The following SMYD3 variants were observed in gnomAD, a reference collection of about 807,000 sequenced individuals.
The protein encoded by SMYD3 is SET and MYND domain containing 3, also known as histone-lysine N-methyltransferase SMYD3.
SMYD3 carries 36 observed loss-of-function variants against 57.7 expected under a neutral mutation model. The ratio of observed to expected loss-of-function variants is 0.62; its 90% CI spans 0.48 to 0.82. The LOEUF (loss-of-function observed/expected upper bound fraction) is 0.82. Among genes scored for constraint, SMYD3 ranks in the 40% least tolerant of loss-of-function variants. SMYD3 has a pLI of 0.00. For synonymous variants in SMYD3, 211 were observed against 195.0 expected (o/e 1.08, Z -0.68); for missense variants, 515 against 538.8 (o/e 0.96, Z 0.44).
intron 5 of SMYD3, among the ~76,000 whole-genome samples, chr1:246,204,969 T>C (rs907286433): frequency 2.6e-5 from 4 of 152,222 alleles, no homozygotes; most frequent in Non-Finnish European, 5.9e-5. Context: ...TTACATCTGT[T>C]AGCCTGAGAG....
At chr1:246,384,209 T>C (rs1429155747) in intron 1 of SMYD3, among the ~76,000 whole-genome samples, 1 of 152,162 alleles carries the variant, frequency 6.6e-6, no homozygotes, top group Non-Finnish European at 1.5e-5. Flanking sequence ...TCTTTTTCTG[T>C]CAGGCTAAAT....
chr1:246,118,742 A>C (rs1276493570), intron 5 of SMYD3, among the ~76,000 whole-genome samples: 4 of 143,214 alleles, frequency 2.8e-5, no homozygotes, highest in African/African-American at 1.1e-4. Flanking sequence ...TTTTTTTTAA[A>C]ATGTGTGCTA....
chr1:246,176,699 T>G (rs1179571256), intron 5 of SMYD3, among the ~76,000 whole-genome samples: 1 of 152,082 alleles, frequency 6.6e-6, no homozygotes, highest in African/African-American at 2.4e-5. Flanking sequence ...ATTACTGTAT[T>G]TTTTGCAGAG....
chr1:246,180,186 T>C (rs1212652227), intron 5 of SMYD3, among the ~76,000 whole-genome samples: 1 of 148,034 alleles, frequency 6.8e-6, no homozygotes, highest in East Asian at 2.0e-4. Context: ...TATCTACATA[T>C]AGTAGAAAAA....
At chr1:245,929,757 C>T in intron 6 of SMYD3, 113 bp downstream of exon 6, 1 of 823,294 alleles carries the variant, frequency 1.2e-6, no homozygotes, top group Non-Finnish European at 2.1e-6. Context: ...AAGTTTTAAG[C>T]TTGGCTCTTG....
intron 8 of SMYD3, among the ~76,000 whole-genome samples, chr1:245,887,310 C>T (rs1019778229): frequency 6.6e-6 from 1 of 152,114 alleles, no homozygotes; most frequent in Non-Finnish European, 1.5e-5. Flanking sequence ...CAGGAAGTTA[C>T]CCTATATGGT....
At chr1:245,818,439 C>G (rs1301393867) in intron 10 of SMYD3, among the ~76,000 whole-genome samples, 7 of 152,192 alleles carry the variant, frequency 4.6e-5, no homozygotes, top group Non-Finnish European at 2.9e-5. Flanking sequence ...ACTGCAAAAT[C>G]ATGCCAAAAT....
chr1:246,067,618 C>A (rs2148371613), intron 5 of SMYD3, among the ~76,000 whole-genome samples: 1 of 152,230 alleles, frequency 6.6e-6, no homozygotes, highest in South Asian at 2.1e-4. Context: ...CCCCACAGCC[C>A]ACAGCCTTGG....
chr1:246,214,265 T>C (rs990059693), intron 5 of SMYD3, among the ~76,000 whole-genome samples: 3 of 152,062 alleles, frequency 2.0e-5, no homozygotes, highest in African/African-American at 4.8e-5. Context: ...GATAATACAT[T>C]TGTGAAAGCT....
chr1:246,278,225 G>A (rs184539451), intron 5 of SMYD3, among the ~76,000 whole-genome samples: 4 of 147,070 alleles, frequency 2.7e-5, no homozygotes, highest in Non-Finnish European at 4.5e-5. Context: ...GTCCCTTTCC[G>A]TCTCCCCTCT....
intron 1 of SMYD3, among the ~76,000 whole-genome samples, chr1:246,361,015 CCA>C (rs1490444872): frequency 1.3e-5 from 2 of 152,172 alleles, no homozygotes; most frequent in Admixed American, 6.5e-5. Context: ...AACAGACAAA[CCA>C]CAGAGTGGGA....
chr1:245,999,184 C>T (rs1486129265), intron 5 of SMYD3, among the ~76,000 whole-genome samples: 1 of 151,002 alleles, frequency 6.6e-6, no homozygotes, highest in Non-Finnish European at 1.5e-5. Context: ...ACAAAAACAA[C>T]CAAACATGAA....
rs186345028 is a variant in SMYD3 at position 245,806,662 on chromosome 1, G to A, written c.1077-42513C>T. ...GCGGTGGCTCACGCCTGTAATCCCAGCACTTTGGGAGGCCGAGGCGGGTGG... is the reference window on the plus strand; with the variant it reads ...GCGGTGGCTCACGCCTGTAATCCCAACACTTTGGGAGGCCGAGGCGGGTGG... On this transcript the variant is annotated intron_variant, in intron 10 of 11. Coordinates refer to ENST00000490107, the MANE Select transcript of SMYD3 (RefSeq NM_001167740.2). 5.6e-3 allele frequency among the ~76,000 whole-genome samples: 847 copies of A among 152,180 alleles called. 14 individuals are homozygous for A. Among genetic ancestry groups the A allele is most frequent in the African/African-American group, 0.019 (805 of 41,524 alleles).
In SMYD3 at chr1:246,026,618, T is replaced by C. The variant is rs566605934; in HGVS notation, c.532-96681A>G. On this transcript the variant is annotated intron_variant, in intron 5 of 11. Transcript: ENST00000490107. ...GTGTTCTTTGACATTACTACTGTAA[T>C]TGTTTTGGGGCACCATGAACAGTGC... Among the ~76,000 whole-genome samples, 30 of 152,334 alleles carry C rather than the reference T, an allele frequency of 2.0e-4. 1 individual carries two copies. In the South Asian group the frequency reaches 4.4e-3, roughly 22 times the overall value.
chr1:246,183,030 C>T (rs2062578829), intron 5 of SMYD3, among the ~76,000 whole-genome samples: 1 of 152,116 alleles, frequency 6.6e-6, no homozygotes, highest in South Asian at 2.1e-4. Context: ...ATAATTGTAA[C>T]CCCTTTAACT....
intron 8 of SMYD3, among the ~76,000 whole-genome samples, chr1:245,914,191 C>T (rs1297238483): frequency 1.3e-5 from 2 of 152,144 alleles, no homozygotes; most frequent in Non-Finnish European, 2.9e-5. Flanking sequence ...AATAGTATAG[C>T]CATTATGGAA....
chr1:246,308,614 T>C (rs1253198984), intron 5 of SMYD3, among the ~76,000 whole-genome samples: 1 of 152,142 alleles, frequency 6.6e-6, no homozygotes, highest in East Asian at 1.9e-4. Flanking sequence ...AGCAATACCA[T>C]ATGATACTTA....
At chr1:246,259,606 C>A (rs2063965401) in intron 5 of SMYD3, among the ~76,000 whole-genome samples, 1 of 152,158 alleles carries the variant, frequency 6.6e-6, no homozygotes, top group South Asian at 2.1e-4. Context: ...AGGTAAGAGC[C>A]AGTTGCAGCC....
intron 5 of SMYD3, among the ~76,000 whole-genome samples, chr1:246,313,814 AT>A (rs2065116598): frequency 6.6e-6 from 1 of 152,242 alleles, no homozygotes; most frequent in Non-Finnish European, 1.5e-5. Flanking sequence ...TATATAGTTT[AT>A]AGCATAGAAA....
Sources: allele counts gnomAD v4.1 joint callset (sites outside exome capture counted in the v4.1 genomes callset), GRCh38; gene constraint gnomAD v4.1.1; transcripts MANE v1.5; gene names NCBI Gene and HGNC (gene_info 2026-07-23, HGNC 2026-07-21).